MYO1E: variants seen among roughly 807,000 people sequenced by gnomAD.
MYO1E encodes the protein myosin IE, also known as unconventional myosin-Ie.
Under a neutral mutation model 151.1 loss-of-function variants are expected in MYO1E, and 68 were observed. The ratio of observed to expected loss-of-function variants is 0.45; its 90% CI spans 0.37 to 0.55. The LOEUF (loss-of-function observed/expected upper bound fraction) is 0.55. Ranked by LOEUF, MYO1E falls within the 20% of genes least tolerant of loss-of-function variation. The pLI is 0.00. For synonymous variants in MYO1E, 601 were observed against 501.7 expected (o/e 1.20, Z -2.64); for missense variants, 1,363 against 1,389.3 (o/e 0.98, Z 0.30).
At chr15:59,236,027 T>C (rs987147582) in intron 5 of MYO1E, among the ~76,000 whole-genome samples, 4 of 152,186 alleles carry the variant, frequency 2.6e-5, no homozygotes, top group African/African-American at 4.8e-5. Flanking sequence ...GATCTTTTTA[T>C]TGATTTGTAG....
rs767043195 is a variant in MYO1E, at chr15:59,161,056, G to A, written c.2785+17C>T. Reference sequence around the variant, plus strand: ...GAGCGGCGGCAGTTCTGCCTGCAGGGCCCGTGGAGCACTTACGGGAGTTCT... The same window carrying A: ...GAGCGGCGGCAGTTCTGCCTGCAGGACCCGTGGAGCACTTACGGGAGTTCT... On this transcript the variant is annotated intron_variant, in intron 24 of 27. Transcript: ENST00000288235. The A allele has an allele frequency of 1.1e-5, 18 of 1,612,372 alleles. No individual in the cohort carries two copies. Among genetic ancestry groups the A allele is most frequent in the African/African-American group, 1.3e-5 (1 of 74,848 alleles).
At chr15:59,257,480 C>A (rs2080200309) in intron 3 of MYO1E, among the ~76,000 whole-genome samples, 1 of 152,166 alleles carries the variant, frequency 6.6e-6, no homozygotes, top group African/African-American at 2.4e-5. Flanking sequence ...GATGGGAAAG[C>A]AATTTGAAAA....
chr15:59,282,975 A>T (rs1444230418), intron 1 of MYO1E, among the ~76,000 whole-genome samples: 1 of 42,914 alleles, frequency 2.3e-5, no homozygotes, highest in East Asian at 9.6e-4. Flanking sequence ...GAAAGGGGAA[A>T]GGGGAAAGGG....
intron 4 of MYO1E, among the ~76,000 whole-genome samples, chr15:59,249,779 G>A (rs1207952952): frequency 2.0e-5 from 3 of 151,984 alleles, no homozygotes; most frequent in Non-Finnish European, 2.9e-5. Context: ...TGGTTTTTTC[G>A]TTTGTTTTCT....
chr15:59,276,641 C>T (rs1302913107), intron 1 of MYO1E, among the ~76,000 whole-genome samples: 3 of 152,294 alleles, frequency 2.0e-5, no homozygotes, highest in Middle Eastern at 3.4e-3. Flanking sequence ...GGGTACGCCC[C>T]TATCCACATA....
chr15:59,281,507 C>T lies in MYO1E; in HGVS notation c.4-9058G>A, dbSNP rs546635241. Among the ~76,000 whole-genome samples the T allele has an allele frequency of 2.2e-4, 34 of 152,176 alleles. 1 individual carries two copies. Among genetic ancestry groups the T allele is most frequent in the Admixed American group, 1.9e-3 (29 of 15,284 alleles). ...CCCAGGCTGGTCTCAAACTCCTGAC[C>T]TCAGGTGATCTGCCCGCCTCGGCCT... On this transcript the variant is annotated intron_variant, in intron 1 of 27. Coordinates refer to ENST00000288235, the MANE Select transcript of MYO1E (RefSeq NM_004998.4).
At chr15:59,218,142 T>G in intron 9 of MYO1E, 55 bp from the exon 10 acceptor site, 1 of 1,596,726 alleles carries the variant, frequency 6.3e-7, no homozygotes, top group Non-Finnish European at 8.6e-7. Context: ...CACTTCCAAG[T>G]CATCTCACAA....
chr15:59,285,286 G>C (rs1364005680), intron 1 of MYO1E, among the ~76,000 whole-genome samples: 1 of 149,090 alleles, frequency 6.7e-6, no homozygotes, highest in Non-Finnish European at 1.5e-5. Context: ...TGGAGGCTGA[G>C]ACAGAAAGAT....
At chr15:59,348,263 A>G (rs1192244808) in intron 1 of MYO1E, among the ~76,000 whole-genome samples, 4 of 152,176 alleles carry the variant, frequency 2.6e-5, no homozygotes, top group Admixed American at 6.5e-5. Flanking sequence ...CTAGTTTCCT[A>G]TTTATTCAAG....
At chr15:59,139,078 T>C (rs1296220683) in intron 26 of MYO1E, among the ~76,000 whole-genome samples, 1 of 151,986 alleles carries the variant, frequency 6.6e-6, no homozygotes, top group Non-Finnish European at 1.5e-5. Flanking sequence ...TTCACTATTA[T>C]AAAAAATGCT....
chr15:59,138,435 G>C lies in MYO1E; in HGVS notation c.3081-68C>G. 21 of 1,566,696 alleles carry C rather than the reference G, an allele frequency of 1.3e-5. No individual in the cohort carries two copies. The South Asian group carries it at 2.2e-4, about 17-fold the overall frequency. ...GGCAGCAGCACCGAACGGTGGTTTG[G>C]AGCATGGCGGCCGGCACTGGCCTGT... On this transcript the variant is annotated intron_variant, in intron 26 of 27. Transcript: ENST00000288235.
chr15:59,180,703 G>A (rs561561450), intron 18 of MYO1E, among the ~76,000 whole-genome samples: 6 of 152,094 alleles, frequency 3.9e-5, no homozygotes, highest in South Asian at 4.1e-4. Flanking sequence ...CTTTGGTATC[G>A]CACTGGAGAC....
At chr15:59,148,980 G>C (rs1206780148) in intron 26 of MYO1E, among the ~76,000 whole-genome samples, 1 of 152,034 alleles carries the variant, frequency 6.6e-6, no homozygotes, top group Admixed American at 6.5e-5. Context: ...AGTTATAGGA[G>C]GGAAAATTAC....
At chr15:59,184,363 TTTC>T (rs1275919245) in intron 18 of MYO1E, among the ~76,000 whole-genome samples, 1 of 151,194 alleles carries the variant, frequency 6.6e-6, no homozygotes, top group Non-Finnish European at 1.5e-5. Flanking sequence ...TGTAACACAT[TTTC>T]TTTTTTTTGA....
chr15:59,271,366 T>G (rs11857500), intron 2 of MYO1E, among the ~76,000 whole-genome samples: 74,722 of 152,070 alleles, frequency 0.49, 21,865 homozygotes, highest in Non-Finnish European at 0.66. Context: ...TTTTAATAAG[T>G]CATCCATGAT....
At position 59,191,955 on chromosome 15, in the gene MYO1E, A is replaced by G. The variant is rs979011220; in HGVS notation, c.1805+3506T>C. On this transcript the variant is annotated intron_variant, in intron 17 of 27. Coordinates refer to ENST00000288235, the MANE Select transcript of MYO1E (RefSeq NM_004998.4). The stretch of plus-strand genomic sequence containing the variant: ...AGAATGCAGGGCAAGCAACCTTGCC[A>G]GAAGCCAAACAAAAACGCATTTGCA... Among the ~76,000 whole-genome samples, 3 of 152,350 alleles carry G rather than the reference A, an allele frequency of 2.0e-5. No individual in the cohort carries two copies. In the East Asian group the frequency reaches 5.8e-4, roughly 29 times the overall value.
At chr15:59,288,273 T>G (rs1289687050) in intron 1 of MYO1E, among the ~76,000 whole-genome samples, 1 of 152,188 alleles carries the variant, frequency 6.6e-6, no homozygotes, top group Non-Finnish European at 1.5e-5. Flanking sequence ...CCTCCTGGGC[T>G]CAAGTGATTC....
chr15:59,178,367 G>A, intron 19 of MYO1E, 26 bp downstream of exon 19: 1 of 1,613,622 alleles, frequency 6.2e-7, no homozygotes, highest in Non-Finnish European at 8.5e-7. Flanking sequence ...GGAGGGAAGA[G>A]AGTGGAGAGC....
chr15:59,289,228 GT>G (rs149347729), intron 1 of MYO1E, among the ~76,000 whole-genome samples: 13 of 152,226 alleles, frequency 8.5e-5, no homozygotes, highest in Admixed American at 6.5e-4. Context: ...TGTACCAAAA[GT>G]TTTTTGTTTC....
Sources: allele counts gnomAD v4.1 joint callset (sites outside exome capture counted in the v4.1 genomes callset), GRCh38; gene constraint gnomAD v4.1.1; transcripts MANE v1.5; gene names NCBI Gene and HGNC (gene_info 2026-07-23, HGNC 2026-07-21).